Variants in CDADC1 observed in about 807,000 individuals in gnomAD.
CDADC1 encodes the protein dCTP deaminase.
CDADC1 carries 39 observed loss-of-function variants against 54.9 expected under a neutral mutation model. The ratio of observed to expected loss-of-function variants is 0.71; its 90% CI spans 0.55 to 0.93. CDADC1 has a LOEUF of 0.93. Among genes scored for constraint, CDADC1 ranks in the 40% least tolerant of loss-of-function variants. The pLI is 0.00. For missense variants in CDADC1, 518 were observed against 618.8 expected, an observed-to-expected ratio of 0.84 and a Z score of 1.73; for synonymous variants, 186 against 204.0, an observed-to-expected ratio of 0.91 and a Z score of 0.75.
At chr13:49,288,194 C>T (rs1953579701) in intron 9 of CDADC1, among the ~76,000 whole-genome samples, 1 of 151,946 alleles carries the variant, frequency 6.6e-6, no homozygotes, top group African/African-American at 2.4e-5. Flanking sequence ...ATTTATTGAC[C>T]CAGATGATGG....
chr13:49,269,190 A>G (rs1952901603), intron 5 of CDADC1, among the ~76,000 whole-genome samples: 1 of 152,224 alleles, frequency 6.6e-6, no homozygotes, highest in Non-Finnish European at 1.5e-5. Flanking sequence ...GGTCTGCAGT[A>G]GTCAACAGAA....
intron 3 of CDADC1, among the ~76,000 whole-genome samples, 157 bp downstream of exon 3, chr13:49,256,070 C>A (rs1330523540): frequency 4.6e-5 from 1 of 21,628 alleles, no homozygotes; most frequent in Non-Finnish European, 3.4e-4. Flanking sequence ...TATGTCACTC[C>A]TTTTTTTTAA....
rs1953430215 is a variant in CDADC1, at chr13:49,283,974, G to GT, written c.1411-2247dup. Among the ~76,000 whole-genome samples the GT allele has an allele frequency of 3.3e-5, 5 of 152,320 alleles. No individual in the cohort carries two copies. In the South Asian group the frequency reaches 1.0e-3, roughly 32 times the overall value. On this transcript the variant is annotated intron_variant, in intron 8 of 9. Transcript: ENST00000251108. ...CAGTACCAAGATTATCAAAAATAGT[G>GT]TGTGTCAATAAATTTGGTATTTGTT... is the stretch of plus-strand genomic sequence containing the variant.
chr13:49,276,725 A>G (rs1264332135), intron 6 of CDADC1, among the ~76,000 whole-genome samples: 2 of 152,194 alleles, frequency 1.3e-5, no homozygotes, highest in African/African-American at 4.8e-5. Flanking sequence ...ACTCTGTACA[A>G]CTTGTCTGTG....
chr13:49,270,296 T>C (rs1346396760), intron 5 of CDADC1, among the ~76,000 whole-genome samples: 1 of 152,148 alleles, frequency 6.6e-6, no homozygotes, highest in Non-Finnish European at 1.5e-5. Context: ...CATGGCTCAC[T>C]GCAGCCCTCA....
intron 6 of CDADC1, among the ~76,000 whole-genome samples, chr13:49,277,193 T>A (rs987737898): frequency 7.5e-6 from 1 of 132,826 alleles, no homozygotes; most frequent in Non-Finnish European, 1.5e-5. Flanking sequence ...TCAGTATGGC[T>A]GGGTGCAGTG....
At chr13:49,262,327 C>A (rs560863108) in intron 4 of CDADC1, among the ~76,000 whole-genome samples, 93 of 152,100 alleles carry the variant, frequency 6.1e-4, no homozygotes, top group African/African-American at 2.2e-3. Context: ...CCTGTAGTCC[C>A]AGCTACTCGG....
chr13:49,292,784 G>A lies in CDADC1; in HGVS notation c.*1027G>A, dbSNP rs1593868342. On this transcript the variant is annotated 3_prime_UTR_variant, in exon 10 of 10. Coordinates refer to ENST00000251108, the MANE Select transcript of CDADC1 (RefSeq NM_030911.4). ...ATTTTCTGTTCTCTCCTAGGTTAGA[G>A]AGGGGTGGCCTGGGGTGCTTCATGA... 1 of 1,283,782 alleles carries A rather than the reference G, an allele frequency of 7.8e-7. No individual in the cohort carries two copies. Among genetic ancestry groups the A allele is most frequent in the South Asian group, 1.3e-5 (1 of 79,928 alleles). 79.5% of individuals were successfully genotyped at this position (1,283,782 alleles called of 1,614,324 possible).
In CDADC1 at chr13:49,266,715, G is replaced by A. The variant is rs991548004; in HGVS notation, c.431-775G>A. ...GGTTTGGGTTTTTTGTTTGTTTAAC[G>A]TCTTTGCTTGCTATTTTAAAGAATG... On this transcript the variant is annotated intron_variant, in intron 4 of 9. Coordinates refer to ENST00000251108, the MANE Select transcript of CDADC1 (RefSeq NM_030911.4). 1.1e-4 allele frequency among the ~76,000 whole-genome samples: 16 copies of A among 152,128 alleles called. 1 individual carries two copies. The South Asian group carries it at 2.1e-3, about 20-fold the overall frequency.
In CDADC1 at chr13:49,248,106, T is replaced by C. The variant is rs1395877383; in HGVS notation, c.69T>C (p.Thr23=). The C allele has an allele frequency of 1.3e-6, 2 of 1,552,160 alleles. No homozygotes were observed. Among genetic ancestry groups the C allele is most frequent in the Admixed American group, 3.9e-5 (2 of 51,084 alleles). ...ARAGRSVSTQ[T]GSMTGQIPRL... ...CCGGGCGGTCAGTCAGCACCCAGAC[T>C]GGCAGCATGACCGGTGAGTGTCCGG... is the stretch of plus-strand genomic sequence containing the variant. The change falls in exon 1 of 10, where the codon ACT becomes ACC. Residue 23 remains threonine (T), a synonymous_variant. Coordinates refer to ENST00000251108, the MANE Select transcript of CDADC1 (RefSeq NM_030911.4).
intron 5 of CDADC1, 40 bp from the exon 6 acceptor site, chr13:49,274,251 A>T: frequency 6.8e-7 from 1 of 1,469,012 alleles, no homozygotes; most frequent in South Asian, 1.2e-5. Context: ...AAACTAACAT[A>T]TCATAATTTT....
At chr13:49,267,414 G>A (rs1028862087) in intron 4 of CDADC1, 76 bp from the exon 5 acceptor site, 16 of 1,162,024 alleles carry the variant, frequency 1.4e-5, no homozygotes, top group Middle Eastern at 2.2e-4. Context: ...ATACTGCAAT[G>A]ATAGGGTGGA....
intron 6 of CDADC1, among the ~76,000 whole-genome samples, chr13:49,276,448 G>A (rs1452417068): frequency 6.6e-6 from 1 of 152,202 alleles, no homozygotes; most frequent in Non-Finnish European, 1.5e-5. Context: ...ACTGAAAGGT[G>A]AGCCTACATT....
intron 1 of CDADC1, 72 bp downstream of exon 1, chr13:49,248,191 C>T: frequency 1.5e-6 from 2 of 1,318,078 alleles, no homozygotes; most frequent in Non-Finnish European, 2.1e-6. Flanking sequence ...TCATTGAACT[C>T]CAGATTCCTT....
Position 49,291,962 on chromosome 13 carries a change from A to C in CDADC1, c.*205A>C, listed in dbSNP as rs984132999. The C allele has an allele frequency of 3.2e-5, 42 of 1,324,676 alleles. No homozygotes were observed. The highest frequency in any genetic ancestry group is 4.1e-5 in the Non-Finnish European group (42 of 1,035,732). 82.1% of individuals were successfully genotyped at this position (1,324,676 alleles called of 1,614,324 possible). Reference sequence around the variant, plus strand: ...ATGTGTGGGTTTTCCATAATGTAGTAGTGTGTTATTTTATTACACGAAATG... The same window carrying C: ...ATGTGTGGGTTTTCCATAATGTAGTCGTGTGTTATTTTATTACACGAAATG... On this transcript the variant is annotated 3_prime_UTR_variant, in exon 10 of 10. Transcript: ENST00000251108.
Position 49,248,169 on chromosome 13 carries a change from G to C in CDADC1, c.82+50G>C, listed in dbSNP as rs74072769. The C allele has an allele frequency of 2.3e-3, 3,266 of 1,446,284 alleles. 66 individuals carry two copies. In the African/African-American group the frequency reaches 0.041, roughly 18 times the overall value. 89.6% of individuals were successfully genotyped at this position (1,446,284 alleles called of 1,614,324 possible). On this transcript the variant is annotated intron_variant, in intron 1 of 9. Transcript: ENST00000251108. ...GCCACCCTACCTTTCGCTCTGCCCT[G>C]TGCGTCTCCCGTCATTGAACTCCAG... is the stretch of plus-strand genomic sequence containing the variant.
chr13:49,259,492 A>G lies in CDADC1; in HGVS notation c.399A>G (p.Pro133=), dbSNP rs772905973. 2.0e-5 allele frequency: 33 copies of G among 1,613,914 alleles called. No homozygotes were observed. Among genetic ancestry groups the G allele is most frequent in the Non-Finnish European group, 2.6e-5 (31 of 1,179,946 alleles). ...KNCDLYFSRK[P]CSACLKMIVN... Reference sequence around the variant, plus strand: ...GTGATCTTTATTTTTCCAGAAAACCATGTTCTGCTTGTTTGAAAATGATTG... The same window carrying G: ...GTGATCTTTATTTTTCCAGAAAACCGTGTTCTGCTTGTTTGAAAATGATTG... The change falls in exon 4 of 10, where the codon CCA becomes CCG. Residue 133 remains proline (P), a synonymous_variant. Transcript: ENST00000251108.
chr13:49,259,285 A>T, intron 3 of CDADC1, 61 bp from the exon 4 acceptor site: 1 of 1,130,892 alleles, frequency 8.8e-7, no homozygotes, highest in Non-Finnish European at 1.3e-6. Context: ...TTCAAGTATA[A>T]TCCATAATAT....
intron 8 of CDADC1, among the ~76,000 whole-genome samples, chr13:49,282,203 A>ACC (rs1472113564): frequency 7.3e-6 from 1 of 137,690 alleles, no homozygotes; most frequent in Non-Finnish European, 1.6e-5. Flanking sequence ...AAGTCTTTAT[A>ACC]CCTCTTCACT....
Sources: allele counts gnomAD v4.1 joint callset (sites outside exome capture counted in the v4.1 genomes callset), GRCh38; gene constraint gnomAD v4.1.1; transcripts MANE v1.5; gene names NCBI Gene and HGNC (gene_info 2026-07-23, HGNC 2026-07-21).